Variants in SDK1 observed in about 807,000 individuals in gnomAD.
SDK1 encodes sidekick cell adhesion molecule 1, also known as protein sidekick-1.
A neutral mutation model predicts 245.5 loss-of-function variants in SDK1; 157 were observed. The observed-to-expected ratio is 0.64, with a 90% CI of 0.56 to 0.73. The LOEUF (loss-of-function observed/expected upper bound fraction) is 0.73. Ranked by LOEUF, SDK1 falls within the 30% of genes least tolerant of loss-of-function variation. The pLI is 0.00. For synonymous variants in SDK1, 1,647 were observed against 1,278.5 expected, an observed-to-expected ratio of 1.29 and a Z score of -6.15; for missense variants, 3,583 against 3,002.3, an observed-to-expected ratio of 1.19 and a Z score of -4.52.
rs546342490 is a variant in SDK1, at chr7:4,088,063, C to T, written c.3324+8479C>T. The stretch of plus-strand genomic sequence containing the variant: ...TGGTGGCTGTTATAACCCCGTGTCA[C>T]AGATGAGACATCAAGGTGTTGGATT... On this transcript the variant is annotated intron_variant, in intron 22 of 44. Transcript: ENST00000404826. Among the ~76,000 whole-genome samples the T allele has an allele frequency of 5.3e-5, 8 of 152,174 alleles. No individual in the cohort carries two copies. In the South Asian group the frequency reaches 1.7e-3, roughly 32 times the overall value.
At chr7:3,608,160 C>G (rs1781480344) in intron 1 of SDK1, among the ~76,000 whole-genome samples, 1 of 152,166 alleles carries the variant, frequency 6.6e-6, no homozygotes, top group South Asian at 2.1e-4. Context: ...CTAGCTCTCT[C>G]AAAAATAGCC....
chr7:4,048,411 T>C (rs1235432500), intron 17 of SDK1, among the ~76,000 whole-genome samples: 4 of 152,238 alleles, frequency 2.6e-5, no homozygotes, highest in Admixed American at 2.6e-4. Flanking sequence ...TATGTATGCG[T>C]CATCAGCCGT....
At chr7:4,261,611 C>A (rs1249744879) in intron 44 of SDK1, among the ~76,000 whole-genome samples, 4 of 152,192 alleles carry the variant, frequency 2.6e-5, no homozygotes, top group African/African-American at 7.2e-5. Flanking sequence ...AATGCACATT[C>A]CCCGGCCTCC....
At chr7:3,371,899 C>T (rs1189585356) in intron 1 of SDK1, among the ~76,000 whole-genome samples, 1 of 152,148 alleles carries the variant, frequency 6.6e-6, no homozygotes, top group Non-Finnish European at 1.5e-5. Flanking sequence ...TAGATCTATC[C>T]TCACAATTTG....
chr7:3,943,248 G>A (rs1299114683), intron 5 of SDK1, among the ~76,000 whole-genome samples: 1 of 143,838 alleles, frequency 7.0e-6, no homozygotes, highest in Non-Finnish European at 1.5e-5. Context: ...CAAAAGTGGG[G>A]GAGCAACTGT....
intron 4 of SDK1, among the ~76,000 whole-genome samples, chr7:3,701,792 C>G (rs1342973537): frequency 6.6e-6 from 1 of 151,754 alleles, no homozygotes; most frequent in Non-Finnish European, 1.5e-5. Flanking sequence ...ATCAATGGAA[C>G]AGAATGGGGA....
At chr7:3,392,187 T>A (rs1468503031) in intron 1 of SDK1, among the ~76,000 whole-genome samples, 1 of 152,102 alleles carries the variant, frequency 6.6e-6, no homozygotes, top group South Asian at 2.1e-4. Flanking sequence ...TTTCAAACTT[T>A]ACAGAAGTAA....
intron 4 of SDK1, among the ~76,000 whole-genome samples, chr7:3,697,664 C>T (rs1784613752): frequency 6.6e-6 from 1 of 152,166 alleles, no homozygotes. Context: ...CTTGGTTTTA[C>T]TTCTAAAGCT....
chr7:4,133,377 G>C (rs757038641), intron 28 of SDK1, among the ~76,000 whole-genome samples: 8 of 152,212 alleles, frequency 5.3e-5, no homozygotes, highest in South Asian at 2.1e-4. Context: ...ATGTACAGTG[G>C]GGGGTGAGGA....
rs538184453 is a variant in SDK1 at position 3,366,823 on chromosome 7, C to T, written c.298+64939C>T. Among the ~76,000 whole-genome samples, 51 of 152,150 alleles carry T rather than the reference C, an allele frequency of 3.4e-4. 3 individuals are homozygous for T. In the Middle Eastern group the frequency reaches 0.01, roughly 30 times the overall value. ...GTGGCGTGATCTCAGCTCACTGCAA[C>T]CTCTGCCTCCTGGGTTCAAGCAATT... is the stretch of plus-strand genomic sequence containing the variant. On this transcript the variant is annotated intron_variant, in intron 1 of 44. Coordinates refer to ENST00000404826, the MANE Select transcript of SDK1 (RefSeq NM_152744.4).
intron 22 of SDK1, among the ~76,000 whole-genome samples, chr7:4,086,150 C>T (rs528578529): frequency 3.9e-5 from 6 of 152,306 alleles, no homozygotes; most frequent in African/African-American, 1.4e-4. Flanking sequence ...GGTGACAGCA[C>T]ATCCTGAATA....
At chr7:3,561,414 G>C (rs1160006338) in intron 1 of SDK1, among the ~76,000 whole-genome samples, 1 of 152,140 alleles carries the variant, frequency 6.6e-6, no homozygotes, top group African/African-American at 2.4e-5. Context: ...GTTTGTTCCT[G>C]GGTTTCATAG....
intron 41 of SDK1, among the ~76,000 whole-genome samples, chr7:4,236,826 G>A (rs78256170): frequency 0.078 from 11,914 of 152,142 alleles, 618 homozygotes; most frequent in African/African-American, 0.14. Context: ...GTTTTGGGGG[G>A]TGTCCCAGCA....
At chr7:4,259,870 T>C (rs927681873) in intron 44 of SDK1, among the ~76,000 whole-genome samples, 4 of 152,160 alleles carry the variant, frequency 2.6e-5, no homozygotes, top group Non-Finnish European at 5.9e-5. Flanking sequence ...CCCGAGGGGT[T>C]GGGGAGCTCA....
At chr7:3,869,575 CT>C (rs1211331317) in intron 5 of SDK1, among the ~76,000 whole-genome samples, 2 of 152,216 alleles carry the variant, frequency 1.3e-5, no homozygotes, top group African/African-American at 2.4e-5. Flanking sequence ...CCCCAGCCCG[CT>C]GCGTCCTCTT....
chr7:3,700,990 G>C (rs1356601830), intron 4 of SDK1, among the ~76,000 whole-genome samples: 1 of 152,174 alleles, frequency 6.6e-6, no homozygotes, highest in Non-Finnish European at 1.5e-5. Context: ...TCTTGTGGCT[G>C]TGTCGTGCGC....
intron 5 of SDK1, among the ~76,000 whole-genome samples, chr7:3,891,543 A>G (rs1781458181): frequency 6.6e-6 from 1 of 152,060 alleles, no homozygotes; most frequent in Admixed American, 6.5e-5. Context: ...TTTGTTTTTA[A>G]TCTCTTTGAT....
intron 4 of SDK1, among the ~76,000 whole-genome samples, chr7:3,661,011 GA>G (rs1236543105): frequency 6.6e-5 from 10 of 152,132 alleles, no homozygotes; most frequent in African/African-American, 2.4e-4. Context: ...TTGGTATTTA[GA>G]AATTACTTAT....
intron 4 of SDK1, among the ~76,000 whole-genome samples, chr7:3,721,290 C>G (rs1289501100): frequency 1.3e-5 from 2 of 152,172 alleles, no homozygotes; most frequent in Non-Finnish European, 2.9e-5. Flanking sequence ...TGAATACTCT[C>G]TATGAATTCT....
Sources: gnomAD v4.1 joint callset for allele counts (sites outside exome capture counted in the v4.1 genomes callset) on GRCh38, gnomAD v4.1.1 for gene constraint, MANE v1.5 for transcripts, NCBI Gene and HGNC (gene_info 2026-07-23, HGNC 2026-07-21) for gene names.